The following TYSND1 variants were observed in gnomAD, a reference collection of about 807,000 sequenced individuals.
TYSND1 encodes trypsin like peroxisomal matrix peptidase 1, also known as peroxisomal leader peptide-processing protease.
Under a neutral mutation model 37.2 loss-of-function variants are expected in TYSND1, and 30 were observed. That is an observed-to-expected ratio of 0.81 (90% confidence interval 0.60 to 1.09). The LOEUF is 1.09. Ranked by LOEUF, TYSND1 falls within the 50% of genes least tolerant of loss-of-function variation. TYSND1 has a pLI of 0.00. For synonymous variants in TYSND1, 364 were observed against 383.8 expected, an observed-to-expected ratio of 0.95 and a Z score of 0.60; for missense variants, 806 against 817.4, an observed-to-expected ratio of 0.99 and a Z score of 0.17.
In TYSND1 at chr10:70,146,545, C is replaced by T. The variant is rs996069844; in HGVS notation, c.42G>A (p.Gln14=). 1 of 1,581,302 alleles carries T rather than the reference C, an allele frequency of 6.3e-7. No individual in the cohort carries two copies. The highest frequency in any genetic ancestry group is 8.5e-7 in the Non-Finnish European group (1 of 1,171,870). The change falls in exon 1 of 4, where the codon CAG becomes CAA. Residue 14 remains glutamine, a synonymous_variant. Transcript: ENST00000287078. ...QWGSAMRAAE[Q]AGCMVSASRA... ...GGGAGGCGCTCACCATGCAGCCCGC[C>T]TGCTCGGCCGCCCTCATGGCAGACC...
In TYSND1 at chr10:70,145,756, C is replaced by T; in HGVS notation, c.831G>A (p.Ala277=). ...FTARPAGALV[A]LVVAPLCWKA... The stretch of plus-strand genomic sequence containing the variant: ...TCCAACAGAGCGGCGCCACCACCAG[C>T]GCCACCAGCGCCCCCGCGGGCCGCG... The change falls in exon 1 of 4, where the codon GCG becomes GCA. Residue 277 remains alanine, a synonymous_variant. Transcript: ENST00000287078. 7.0e-7 allele frequency: 1 copy of T among 1,437,386 alleles called. No homozygotes were observed. The highest frequency in any genetic ancestry group is 9.0e-7 in the Non-Finnish European group (1 of 1,105,422). The allele number at this position is 1,437,386 out of a possible 1,614,324, so 89.0% of individuals were successfully genotyped here.
Position 70,145,736 on chromosome 10 carries a change from C to T in TYSND1, c.851G>A (p.Cys284Tyr). The T allele has an allele frequency of 1.4e-6, 2 of 1,425,418 alleles. No individual in the cohort carries two copies. The highest frequency in any genetic ancestry group is 2.8e-5 in the East Asian group (1 of 36,296). 88.3% of individuals were successfully genotyped at this position (1,425,418 alleles called of 1,614,324 possible). The change falls in exon 1 of 4, where the codon TGT (cysteine) becomes TAT (tyrosine). Residue 284 changes from cysteine to tyrosine, a missense_variant. Physicochemically the swap from Cys to Tyr is radical, Grantham distance 194. Coordinates refer to ENST00000287078, the MANE Select transcript of TYSND1 (RefSeq NM_173555.4). ...ALVALVVAPL[C>Y]WKAGEWVGFT... is the part of the protein sequence containing the mutation. ...GCCCACCCATTCGCCGGCCTTCCAA[C>T]AGAGCGGCGCCACCACCAGCGCCAC...
Position 70,139,990 on chromosome 10 carries a change from A to G in TYSND1, c.1635T>C (p.Ala545=), listed in dbSNP as rs753498194. ...LGGLRELDRA[A]EPVRVVWRLQ... The stretch of plus-strand genomic sequence containing the variant: ...ACCGCCACACCACCCTGACTGGCTC[A>G]GCAGCGCGGTCCAGCTCACGGAGGC... The change falls in exon 4 of 4, where the codon GCT becomes GCC. Residue 545 remains alanine (A), a synonymous_variant. Coordinates refer to ENST00000287078, the MANE Select transcript of TYSND1 (RefSeq NM_173555.4). 1.2e-6 allele frequency: 2 copies of G among 1,614,192 alleles called. No individual in the cohort carries two copies. Among genetic ancestry groups the G allele is most frequent in the Non-Finnish European group, 1.7e-6 (2 of 1,180,022 alleles).
In TYSND1 at chr10:70,139,716, A is replaced by G. The variant is rs1313644238; in HGVS notation, c.*208T>C. The G allele has an allele frequency of 1.8e-6, 1 of 559,648 alleles. No individual in the cohort carries two copies. Among genetic ancestry groups the G allele is most frequent in the African/African-American group, 1.9e-5 (1 of 52,744 alleles). The allele number at this position is 559,648 out of a possible 1,614,324, so 34.7% of individuals were successfully genotyped here. A position where few individuals can be genotyped will look rare whatever the true frequency, so the allele number is the denominator to read the frequency against. On this transcript the variant is annotated 3_prime_UTR_variant, in exon 4 of 4. Coordinates refer to ENST00000287078, the MANE Select transcript of TYSND1 (RefSeq NM_173555.4). Reference sequence around the variant, plus strand: ...AACTGGGGGCTCAAGAAAGCACCCCAAAACGGGCTGCCAGGTTAAGGATCC... The same window carrying G: ...AACTGGGGGCTCAAGAAAGCACCCCGAAACGGGCTGCCAGGTTAAGGATCC...
chr10:70,139,727 C>T lies in TYSND1; in HGVS notation c.*197G>A. On this transcript the variant is annotated 3_prime_UTR_variant, in exon 4 of 4. Coordinates refer to ENST00000287078, the MANE Select transcript of TYSND1 (RefSeq NM_173555.4). ...CAAGAAAGCACCCCAAAACGGGCTG[C>T]CAGGTTAAGGATCCATGGGGCTGAA... The T allele has an allele frequency of 1.8e-6, 1 of 567,136 alleles. No individual in the cohort carries two copies. The allele number at this position is 567,136 out of a possible 1,614,324, so 35.1% of individuals were successfully genotyped here.
At chr10:70,144,548 C>T in intron 1 of TYSND1, 1 of 987,646 alleles carries the variant, frequency 1.0e-6, no homozygotes, top group Non-Finnish European at 1.2e-6. Context: ...GCGTCAACTC[C>T]CGGGGAGGCA....
rs537662173 is a variant in TYSND1 at position 70,146,542 on chromosome 10, C to T, written c.45G>A (p.Ala15=). ...CCCGGGAGGCGCTCACCATGCAGCC[C>T]GCCTGCTCGGCCGCCCTCATGGCAG... ...WGSAMRAAEQ[A]GCMVSASRAG... The change falls in exon 1 of 4, where the codon GCG becomes GCA. Residue 15 remains alanine (A), a synonymous_variant. Transcript: ENST00000287078. The T allele has an allele frequency of 9.7e-5, 154 of 1,581,832 alleles. 1 individual carries two copies. In the South Asian group the frequency reaches 1.5e-3, roughly 16 times the overall value.
rs982240166 is a variant in TYSND1 at position 70,140,604 on chromosome 10, T to C, written c.1484-463A>G. ...GGCCTGCTCGGTGCATGGATGTGTG[T>C]GTAGTTTTTTAAAGATAATTTCAGA... is the stretch of plus-strand genomic sequence containing the variant. On this transcript the variant is annotated intron_variant, in intron 3 of 3. Coordinates refer to ENST00000287078, the MANE Select transcript of TYSND1 (RefSeq NM_173555.4). Among the ~76,000 whole-genome samples, 20 of 152,216 alleles carry C rather than the reference T, an allele frequency of 1.3e-4. 1 individual carries two copies. Among genetic ancestry groups the C allele is most frequent in the African/African-American group, 3.6e-4 (15 of 41,462 alleles).
chr10:70,140,912 TC>T (rs962478610), intron 3 of TYSND1, among the ~76,000 whole-genome samples: 3 of 152,172 alleles, frequency 2.0e-5, no homozygotes, highest in Admixed American at 6.5e-5. Flanking sequence ...CCTCAGTCTT[TC>T]CTTATCTTTC....
Position 70,142,702 on chromosome 10 carries a change from T to G in TYSND1, c.1449A>C (p.Gly483=). 2 of 1,604,692 alleles carry G rather than the reference T, an allele frequency of 1.2e-6. No individual in the cohort carries two copies. Among genetic ancestry groups the G allele is most frequent in the Non-Finnish European group, 1.7e-6 (2 of 1,175,744 alleles). Residue 483 remains glycine (G), a synonymous_variant, in exon 3 of 4, where the codon GGA becomes GGC. Coordinates refer to ENST00000287078, the MANE Select transcript of TYSND1 (RefSeq NM_173555.4). ...TTCCTGAGTGGTTGGAGAAGAGGGG[T>G]CCCCCACTGGAGCCGCTGTGCACAG... ...TCAVHSGSSG[G]PLFSNHSGNL...
chr10:70,140,169 G>A (rs2072742718), intron 3 of TYSND1, 28 bp from the exon 4 acceptor site: 1 of 1,564,006 alleles, frequency 6.4e-7, no homozygotes, highest in Non-Finnish European at 8.7e-7. Context: ...AGCAAAAGAG[G>A]ATGTGAGCCA....
At position 70,146,511 on chromosome 10, in the gene TYSND1, G is replaced by A; in HGVS notation, c.76C>T (p.Gln26Ter). 4 of 1,589,922 alleles carry A rather than the reference G, an allele frequency of 2.5e-6. No individual in the cohort carries two copies. Among genetic ancestry groups the A allele is most frequent in the Non-Finnish European group, 3.4e-6 (4 of 1,174,774 alleles). ...GCMVSASRAGQPEAGPWSCSG... is the reference protein window; with the variant it reads ...GCMVSASRAG ...CAGCTCCACGGGCCCGCCTCGGGCTGTCCGGCCCGGGAGGCGCTCACCATG... is the reference window on the plus strand; with the variant it reads ...CAGCTCCACGGGCCCGCCTCGGGCTATCCGGCCCGGGAGGCGCTCACCATG... The change falls in exon 1 of 4, where the codon CAG becomes TAG. Residue 26 changes from glutamine to a stop codon, truncating the protein, a stop_gained. Coordinates refer to ENST00000287078, the MANE Select transcript of TYSND1 (RefSeq NM_173555.4). LOFTEE classifies it high-confidence loss of function.
Position 70,146,422 on chromosome 10 carries a change from G to T in TYSND1, c.165C>A (p.Pro55=). Residue 55 remains proline, a synonymous_variant, in exon 1 of 4, where the codon CCC becomes CCA. Transcript: ENST00000287078. ...LVLCHGGIFV[P]FLRAGSEVLT... Reference sequence around the variant, plus strand: ...GGACTTCGCTGCCAGCTCGCAGGAAGGGGACGAAGATGCCCCCGTGGCAAA... The same window carrying T: ...GGACTTCGCTGCCAGCTCGCAGGAATGGGACGAAGATGCCCCCGTGGCAAA... The T allele has an allele frequency of 6.2e-7, 1 of 1,601,582 alleles. No homozygotes were observed. Among genetic ancestry groups the T allele is most frequent in the East Asian group, 2.2e-5 (1 of 44,582 alleles).
chr10:70,141,719 TC>T (rs1308242309), intron 3 of TYSND1, among the ~76,000 whole-genome samples: 1 of 130,454 alleles, frequency 7.7e-6, no homozygotes, highest in Non-Finnish European at 1.7e-5. Flanking sequence ...TATTTTCCTT[TC>T]TTTTTTTTTA....
intron 2 of TYSND1, 94 bp downstream of exon 2, chr10:70,143,748 T>A: frequency 1.3e-6 from 2 of 1,511,058 alleles, no homozygotes; most frequent in Non-Finnish European, 1.8e-6. Context: ...AATGCTACCC[T>A]GACTTCATGA....
At position 70,145,930 on chromosome 10, in the gene TYSND1, C is replaced by T. The variant is rs746828501; in HGVS notation, c.657G>A (p.Leu219=). 4 of 1,552,944 alleles carry T rather than the reference C, an allele frequency of 2.6e-6. No individual in the cohort carries two copies. Among genetic ancestry groups the T allele is most frequent in the East Asian group, 2.4e-5 (1 of 41,040 alleles). The change falls in exon 1 of 4, where the codon TTG becomes TTA. Residue 219 remains leucine, a synonymous_variant. Transcript: ENST00000287078. The part of the protein sequence containing the change: ...PLGAVPKGAP[L]LVCGSPFGAF... ...CGCCGAAAGGGGAGCCGCAGACCAG[C>T]AATGGCGCACCCTTGGGCACGGCCC...
chr10:70,141,472 G>A (rs892034479), intron 3 of TYSND1, among the ~76,000 whole-genome samples: 3 of 151,988 alleles, frequency 2.0e-5, no homozygotes, highest in African/African-American at 7.3e-5. Context: ...CCTACCTAAT[G>A]TTTTCTCATG....
In TYSND1 at chr10:70,139,998, G is replaced by A. The variant is rs141863700; in HGVS notation, c.1627C>T (p.Arg543Cys). 2.1e-4 allele frequency: 332 copies of A among 1,614,210 alleles called. 1 individual carries two copies. In the African/African-American group the frequency reaches 3.1e-3, roughly 15 times the overall value. ...ACCACCCTGACTGGCTCAGCAGCGC[G>A]GTCCAGCTCACGGAGGCCACCTAGG... ...QDLGGLRELDRAAEPVRVVWR... is the reference protein window; with the variant it reads ...QDLGGLRELDCAAEPVRVVWR... Residue 543 changes from arginine to cysteine, a missense_variant, in exon 4 of 4, where the codon CGC (arginine) becomes TGC (cysteine). Arg to Cys is a radical substitution (Grantham distance 180). Coordinates refer to ENST00000287078, the MANE Select transcript of TYSND1 (RefSeq NM_173555.4).
chr10:70,146,043 G>A lies in TYSND1; in HGVS notation c.544C>T (p.Leu182=). 1 of 1,603,166 alleles carries A rather than the reference G, an allele frequency of 6.2e-7. No homozygotes were observed. Among genetic ancestry groups the A allele is most frequent in the Middle Eastern group, 1.7e-4 (1 of 6,056 alleles). Residue 182 remains leucine, a synonymous_variant, in exon 1 of 4, where the codon CTG becomes TTG. Transcript: ENST00000287078. ...EDEEADQLRA[L]GWFALLGVRL... Reference sequence around the variant, plus strand: ...ACGCCCAGCAGCGCAAACCAGCCCAGCGCTCTCAGTTGATCCGCCTCCTCG... The same window carrying A: ...ACGCCCAGCAGCGCAAACCAGCCCAACGCTCTCAGTTGATCCGCCTCCTCG...
Sources: gnomAD v4.1 joint callset for allele counts (sites outside exome capture counted in the v4.1 genomes callset) on GRCh38, gnomAD v4.1.1 for gene constraint, MANE v1.5 for transcripts, NCBI Gene and HGNC (gene_info 2026-07-23, HGNC 2026-07-21) for gene names.